The following HMGCLL1 variants were observed in gnomAD, a reference collection of about 807,000 sequenced individuals.
HMGCLL1 encodes 3-hydroxy-3-methylglutaryl-CoA lyase like 1.
A neutral mutation model predicts 39.1 loss-of-function variants in HMGCLL1; 36 were observed. The observed-to-expected ratio is 0.92, with a 90% CI of 0.71 to 1.22. HMGCLL1 has a LOEUF of 1.22. Among genes scored for constraint, HMGCLL1 ranks in the 50% most tolerant of loss-of-function variants. The pLI is 0.00. For missense variants in HMGCLL1, 451 were observed against 416.5 expected, an observed-to-expected ratio of 1.08 and a Z score of -0.72; for synonymous variants, 149 against 144.0, an observed-to-expected ratio of 1.03 and a Z score of -0.25.
the HMGCLL1 span, among the ~76,000 whole-genome samples, chr6:55,625,192 T>C: frequency 6.6e-6 from 1 of 152,244 alleles, no homozygotes; most frequent in African/African-American, 2.4e-5. Context: ...TGGGCTTTTG[T>C]GGAAACTGGA....
intron 1 of HMGCLL1, among the ~76,000 whole-genome samples, chr6:55,572,381 C>T (rs1281005926): frequency 6.6e-6 from 1 of 151,972 alleles, no homozygotes; most frequent in Non-Finnish European, 1.5e-5. Context: ...CTATTTTATT[C>T]ATCTATCAAA....
chr6:55,560,900 TAAAC>T (rs1392347859), intron 1 of HMGCLL1, among the ~76,000 whole-genome samples: 1 of 152,182 alleles, frequency 6.6e-6, no homozygotes, highest in Non-Finnish European at 1.5e-5. Context: ...TCAGCCATCT[TAAAC>T]AATAAATCAA....
At chr6:55,650,112 T>TATATAC in the HMGCLL1 span, among the ~76,000 whole-genome samples, 15 of 76,842 alleles carry the variant, frequency 2.0e-4, no homozygotes, top group African/African-American at 7.4e-4. Context: ...TATATATATA[T>TATATAC]ATATATATAT....
chr6:55,608,982 C>G, the HMGCLL1 span, among the ~76,000 whole-genome samples: 2 of 152,172 alleles, frequency 1.3e-5, no homozygotes, highest in East Asian at 3.9e-4. Context: ...GGCCCTACCC[C>G]CAGCCAAGGG....
chr6:55,613,590 G>T, the HMGCLL1 span, among the ~76,000 whole-genome samples: 5 of 151,836 alleles, frequency 3.3e-5, no homozygotes, highest in Non-Finnish European at 5.9e-5. Flanking sequence ...GGAATATTAT[G>T]CAGCCATAAA....
At chr6:55,624,746 T>C in the HMGCLL1 span, among the ~76,000 whole-genome samples, 3 of 152,156 alleles carry the variant, frequency 2.0e-5, no homozygotes, top group African/African-American at 7.2e-5. Context: ...TCCAGTGGTG[T>C]GGGGCCTGTT....
chr6:55,566,036 G>T (rs932645046), intron 1 of HMGCLL1, among the ~76,000 whole-genome samples: 2 of 152,104 alleles, frequency 1.3e-5, no homozygotes, highest in South Asian at 4.1e-4. Flanking sequence ...AATGGAAATT[G>T]TGTCTAACAA....
chr6:55,627,105 A>G, the HMGCLL1 span, among the ~76,000 whole-genome samples: 1 of 150,966 alleles, frequency 6.6e-6, no homozygotes, highest in African/African-American at 2.4e-5. Flanking sequence ...CTGAAGGCAA[A>G]GGGAATACAG....
intron 3 of HMGCLL1, among the ~76,000 whole-genome samples, chr6:55,541,295 A>G (rs939348082): frequency 6.6e-6 from 1 of 152,186 alleles, no homozygotes. Context: ...AGTGTCAAAA[A>G]AAGCAAAGTA....
chr6:55,631,525 C>A, the HMGCLL1 span, among the ~76,000 whole-genome samples: 7 of 152,084 alleles, frequency 4.6e-5, no homozygotes, highest in East Asian at 1.4e-3. Context: ...CAATGCAGTC[C>A]CAGGAAAAGA....
the HMGCLL1 span, among the ~76,000 whole-genome samples, chr6:55,650,382 G>A: frequency 2.0e-5 from 3 of 151,498 alleles, no homozygotes; most frequent in African/African-American, 7.3e-5. Context: ...ACTGTGGTTG[G>A]TTGTCTTGGG....
the HMGCLL1 span, among the ~76,000 whole-genome samples, chr6:55,647,745 C>CTTTTTTTTTTTTTTTTTTTTTTTTT: frequency 3.5e-4 from 40 of 115,864 alleles, no homozygotes; most frequent in Middle Eastern, 4.7e-3. Context: ...TTTTTTTTTC[C>CTTTTTTTTTTTTTTTTTTTTTTTTT]TTTTTTTTTT....
the HMGCLL1 span, among the ~76,000 whole-genome samples, chr6:55,631,809 A>G: frequency 3.9e-5 from 6 of 152,106 alleles, no homozygotes; most frequent in African/African-American, 1.4e-4. Context: ...AGATATACAA[A>G]GTTTGATTTA....
chr6:55,457,739 A>G (rs1201596027), intron 7 of HMGCLL1, among the ~76,000 whole-genome samples: 1 of 152,120 alleles, frequency 6.6e-6, no homozygotes, highest in Non-Finnish European at 1.5e-5. Context: ...GGCTATATCA[A>G]AAGTCACAGA....
chr6:55,581,348 A>G (rs960989142), upstream of HMGCLL1, among the ~76,000 whole-genome samples: 1 of 152,144 alleles, frequency 6.6e-6, no homozygotes, highest in Non-Finnish European at 1.5e-5. Flanking sequence ...TATCATATGG[A>G]AAATGCTATG....
intron 3 of HMGCLL1, among the ~76,000 whole-genome samples, chr6:55,524,502 T>C (rs1025658129): frequency 2.2e-4 from 32 of 148,794 alleles, no homozygotes; most frequent in African/African-American, 7.9e-4. Context: ...AATTGATGTA[T>C]TCAGTATCTA....
In HMGCLL1 at chr6:55,578,935, C is replaced by T. The variant is rs1771897479; in HGVS notation, c.108+13G>A. 1 of 1,600,454 alleles carries T rather than the reference C, an allele frequency of 6.2e-7. No homozygotes were observed. Among genetic ancestry groups the T allele is most frequent in the Non-Finnish European group, 8.5e-7 (1 of 1,171,742 alleles). ...GCATGAGGGTGGGGACACCCTGGGCCGCGAGGTGGTACCTGCGCGGGGTCG... is the reference window on the plus strand; with the variant it reads ...GCATGAGGGTGGGGACACCCTGGGCTGCGAGGTGGTACCTGCGCGGGGTCG... On this transcript the variant is annotated intron_variant, in intron 1 of 8. Transcript: ENST00000274901.
intron 7 of HMGCLL1, among the ~76,000 whole-genome samples, chr6:55,448,081 A>G (rs1378058121): frequency 6.6e-6 from 1 of 152,152 alleles, no homozygotes; most frequent in Non-Finnish European, 1.5e-5. Flanking sequence ...CAACTTCAGA[A>G]AGTAAATATT....
At chr6:55,531,746 C>T (rs1240478561) in intron 3 of HMGCLL1, among the ~76,000 whole-genome samples, 3 of 152,040 alleles carry the variant, frequency 2.0e-5, no homozygotes, top group African/African-American at 7.2e-5. Context: ...GATCCACCTC[C>T]GGTCAGATCA....
Sources: gnomAD v4.1 joint callset for allele counts (sites outside exome capture counted in the v4.1 genomes callset) on GRCh38, gnomAD v4.1.1 for gene constraint, MANE v1.5 for transcripts, NCBI Gene and HGNC (gene_info 2026-07-23, HGNC 2026-07-21) for gene names.